The following PPME1 variants were observed in gnomAD, a reference collection of about 807,000 sequenced individuals.
PPME1 encodes testicular secretory protein Li 39.
A neutral mutation model predicts 56.9 loss-of-function variants in PPME1; 17 were observed. The ratio of observed to expected loss-of-function variants is 0.30; its 90% confidence interval spans 0.20 to 0.45. The LOEUF (loss-of-function observed/expected upper bound fraction) is 0.45. Among genes scored for constraint, PPME1 ranks in the 20% least tolerant of loss-of-function variants. The probability of loss-of-function intolerance (pLI) is 1.00; values close to 1 mark genes in which losing one functional copy is unlikely to be tolerated. For missense variants in PPME1, 357 were observed against 483.2 expected (o/e 0.74, Z 2.45); for synonymous variants, 122 against 156.2 (o/e 0.78, Z 1.63).
In PPME1 at chr11:74,230,282, C is replaced by T; in HGVS notation, c.436C>T (p.Leu146Phe). 1 of 1,613,072 alleles carries T rather than the reference C, an allele frequency of 6.2e-7. No individual in the cohort carries two copies. The highest frequency in any genetic ancestry group is 1.1e-5 in the South Asian group (1 of 90,882). ...TGTGGTTGAAGCCATGTATGGGGAC[C>T]TTCCTCCTCCAATTATGCTGATTGG... ...GNVVEAMYGD[L>F]PPPIMLIGHS... The change falls in exon 6 of 14, where the codon CTT becomes TTT. Residue 146 changes from leucine (L) to phenylalanine (F), a missense_variant. Around this residue, in one of 2 missense-constraint regions of PPME1, gnomAD observed 175 missense variants for 189.4 expected, o/e 0.92. Coordinates refer to ENST00000328257, the MANE Select transcript of PPME1 (RefSeq NM_016147.3). This position sits in a 1 kb window ranked among gnomAD's most constrained non-coding sequence, Gnocchi z 4.9.
chr11:74,245,692 T>G (rs1205485855), intron 9 of PPME1, among the ~76,000 whole-genome samples: 1 of 152,204 alleles, frequency 6.6e-6, no homozygotes, highest in Admixed American at 6.5e-5. Flanking sequence ...TGTTTCTTGC[T>G]TATATTATAA....
At chr11:74,239,907 A>G (rs1024000307) in intron 9 of PPME1, among the ~76,000 whole-genome samples, 3 of 150,282 alleles carry the variant, frequency 2.0e-5, no homozygotes, top group African/African-American at 7.4e-5. Context: ...TACCCTGTCC[A>G]TCTGTCTTTC....
intron 5 of PPME1, 135 bp downstream of exon 5, chr11:74,225,391 C>T: frequency 1.7e-6 from 1 of 596,658 alleles, no homozygotes; most frequent in East Asian, 3.1e-5. Flanking sequence ...TGTTCTCTCT[C>T]CTCTACTTCT....
intron 13 of PPME1, chr11:74,252,426 G>T: frequency 2.2e-6 from 1 of 454,774 alleles, no homozygotes; most frequent in South Asian, 1.6e-5. Flanking sequence ...GTGTTGCACA[G>T]TGTCTTCCCA....
At chr11:74,228,244 C>A (rs575131836) in intron 5 of PPME1, among the ~76,000 whole-genome samples, 1 of 150,968 alleles carries the variant, frequency 6.6e-6, no homozygotes, top group South Asian at 2.1e-4. Context: ...TTTTAATATG[C>A]AGAATTAGCT....
At chr11:74,198,112 T>C (rs1258716513) in intron 1 of PPME1, among the ~76,000 whole-genome samples, 5 of 152,194 alleles carry the variant, frequency 3.3e-5, no homozygotes, top group Admixed American at 6.5e-5. Flanking sequence ...CCAGAGTAGA[T>C]TTTTATTTAT....
chr11:74,203,452 C>T (rs1017851892), intron 1 of PPME1, among the ~76,000 whole-genome samples: 9 of 152,078 alleles, frequency 5.9e-5, no homozygotes, highest in African/African-American at 1.9e-4. Flanking sequence ...TTAAAATATA[C>T]TAATGAATTT....
chr11:74,251,037 G>A lies in PPME1; in HGVS notation c.1074+19G>A. 1 of 1,579,206 alleles carries A rather than the reference G, an allele frequency of 6.3e-7. No homozygotes were observed. Among genetic ancestry groups the A allele is most frequent in the South Asian group, 1.2e-5 (1 of 85,886 alleles). ...TGACAAGGTGAGTCTGGTGCTCAGTGACTGTAAAAGGACAACTGTGAGAAT... is the reference window on the plus strand; with the variant it reads ...TGACAAGGTGAGTCTGGTGCTCAGTAACTGTAAAAGGACAACTGTGAGAAT... On this transcript the variant is annotated intron_variant, in intron 12 of 13. Transcript: ENST00000328257.
chr11:74,189,767 C>G (rs1490564198), intron 1 of PPME1, among the ~76,000 whole-genome samples: 3 of 152,200 alleles, frequency 2.0e-5, no homozygotes, highest in African/African-American at 7.2e-5. Context: ...TCATCCTTTT[C>G]TCTTTCAAAT....
At position 74,253,557 on chromosome 11, in the gene PPME1, C is replaced by T. The variant is rs373756930; in HGVS notation, c.*47C>T. ...TCAACATCGAGCTCTGTTGTAAATA[C>T]GTCGCACCAGAGGCCACTGTGATGC... On this transcript the variant is annotated 3_prime_UTR_variant, in exon 14 of 14. Transcript: ENST00000328257. The T allele has an allele frequency of 2.6e-5, 41 of 1,568,302 alleles. No individual in the cohort carries two copies. Among genetic ancestry groups the T allele is most frequent in the East Asian group, 2.0e-4 (9 of 44,626 alleles).
At chr11:74,223,971 T>G (rs376347386) in intron 4 of PPME1, among the ~76,000 whole-genome samples, 60 of 151,936 alleles carry the variant, frequency 3.9e-4, no homozygotes, top group South Asian at 4.2e-4. Flanking sequence ...GTCAATTTTG[T>G]CTTTTGTTGC....
At chr11:74,171,573 G>T in intron 1 of PPME1, 51 bp downstream of exon 1, 1 of 1,546,530 alleles carries the variant, frequency 6.5e-7, no homozygotes, top group East Asian at 2.3e-5. Context: ...AGCCGTTGGA[G>T]AATGGTATCT....
intron 3 of PPME1, among the ~76,000 whole-genome samples, chr11:74,207,481 T>G (rs567837714): frequency 6.6e-6 from 1 of 152,352 alleles, no homozygotes; most frequent in South Asian, 2.1e-4. Flanking sequence ...TGTGGAACTA[T>G]CAAAGGGATA....
intron 1 of PPME1, among the ~76,000 whole-genome samples, chr11:74,172,257 G>A (rs966050570): frequency 2.0e-5 from 3 of 151,222 alleles, no homozygotes; most frequent in Non-Finnish European, 4.4e-5. Flanking sequence ...AAGAAGGAGA[G>A]GACTGAAGAA....
chr11:74,251,587 G>T, intron 12 of PPME1, 61 bp from the exon 13 acceptor site: 1 of 1,590,520 alleles, frequency 6.3e-7, no homozygotes. Flanking sequence ...GTAGCTCACA[G>T]CCCAAGGCTA....
chr11:74,203,764 G>C lies in PPME1; in HGVS notation c.138G>C (p.Trp46Cys). ...GRKRDFSPVP[W>C]SQYFESMEDV... ...AGCGGGACTTTTCCCCTGTTCCTTG[G>C]AGTCAGTATTTTGAGTCCATGGAAG... The change falls in exon 2 of 14, where the codon TGG (tryptophan) becomes TGC (cysteine). Residue 46 changes from tryptophan (W) to cysteine (C), a missense_variant. By Grantham distance (215) the Trp-to-Cys change is radical. Around this residue, in one of 2 missense-constraint regions of PPME1, gnomAD observed 175 missense variants for 189.4 expected, o/e 0.92. Transcript: ENST00000328257. 6.2e-7 allele frequency: 1 copy of C among 1,612,296 alleles called. No individual in the cohort carries two copies. The highest frequency in any genetic ancestry group is 8.5e-7 in the Non-Finnish European group (1 of 1,179,102).
At chr11:74,245,791 T>TG (rs1859488364) in intron 9 of PPME1, among the ~76,000 whole-genome samples, 1 of 152,224 alleles carries the variant, frequency 6.6e-6, no homozygotes, top group Non-Finnish European at 1.5e-5. Context: ...GGCTTAATCT[T>TG]GGCACTACCA....
At chr11:74,246,252 A>G in intron 10 of PPME1, 47 bp downstream of exon 10, 1 of 1,487,844 alleles carries the variant, frequency 6.7e-7, no homozygotes, top group South Asian at 1.3e-5. Context: ...TGCCATAACC[A>G]AATATCATAG....
rs755387167 is a variant in PPME1, at chr11:74,253,542, G to A, written c.*32G>A. ...GCTGTCCACCCCTCCTCAACATCGA[G>A]CTCTGTTGTAAATACGTCGCACCAG... On this transcript the variant is annotated 3_prime_UTR_variant, in exon 14 of 14. Coordinates refer to ENST00000328257, the MANE Select transcript of PPME1 (RefSeq NM_016147.3). 1 of 1,590,458 alleles carries A rather than the reference G, an allele frequency of 6.3e-7. No individual in the cohort carries two copies. Among genetic ancestry groups the A allele is most frequent in the South Asian group, 1.1e-5 (1 of 90,574 alleles).
Sources: gnomAD v4.1 joint callset for allele counts (sites outside exome capture counted in the v4.1 genomes callset) on GRCh38, gnomAD v4.1.1 for gene constraint, gnomAD v4.1.1 regional missense constraint, Gnocchi (gnomAD v3.1) non-coding constraint, MANE v1.5 for transcripts, NCBI Gene and HGNC (gene_info 2026-07-23, HGNC 2026-07-21) for gene names.